The following CNTNAP4 variants were observed in gnomAD, a reference collection of about 807,000 sequenced individuals.
CNTNAP4 encodes contactin associated protein family member 4.
CNTNAP4 carries 98 observed loss-of-function variants against 148.4 expected under a neutral mutation model. The observed-to-expected ratio is 0.66, with a 90% CI of 0.56 to 0.78. The LOEUF is 0.78. Among genes scored for constraint, CNTNAP4 ranks in the 30% least tolerant of loss-of-function variants. The pLI is 0.00. For missense variants in CNTNAP4, 1,935 were observed against 1,565.6 expected (o/e 1.24, Z -3.98); for synonymous variants, 730 against 565.1 (o/e 1.29, Z -4.14).
At chr16:76,330,932 G>GA (rs759348527) in intron 2 of CNTNAP4, among the ~76,000 whole-genome samples, 2 of 152,206 alleles carry the variant, frequency 1.3e-5, no homozygotes, top group Non-Finnish European at 2.9e-5. Flanking sequence ...CATCTAAATA[G>GA]TGCTGGATAG....
intron 7 of CNTNAP4, among the ~76,000 whole-genome samples, chr16:76,450,240 C>G (rs574235962): frequency 6.6e-6 from 1 of 152,092 alleles, no homozygotes; most frequent in Non-Finnish European, 1.5e-5. Flanking sequence ...GCCTCCGCCT[C>G]CCAGATTCAA....
intron 3 of CNTNAP4, among the ~76,000 whole-genome samples, chr16:76,408,966 T>C (rs924206219): frequency 1.3e-5 from 2 of 152,050 alleles, no homozygotes; most frequent in African/African-American, 4.8e-5. Flanking sequence ...TACAGAGCCA[T>C]GGTTTTCAAA....
intron 1 of CNTNAP4, among the ~76,000 whole-genome samples, chr16:76,314,858 C>G (rs571816029): frequency 3.4e-4 from 52 of 152,202 alleles, no homozygotes; most frequent in South Asian, 1.0e-3. Context: ...GTTGATTCTG[C>G]TTTTTTCTCA....
rs1034189113 is a variant in CNTNAP4 at position 76,367,121 on chromosome 16, G to C, written c.390+11610G>C. ...TGGTATAAGAACACATGGGACATCT[G>C]TTACTATGTCCAAATACATTTAGGG... is the stretch of plus-strand genomic sequence containing the variant. On this transcript the variant is annotated intron_variant, in intron 3 of 23. Coordinates refer to ENST00000611870, the MANE Select transcript of CNTNAP4 (RefSeq NM_033401.5). Among the ~76,000 whole-genome samples, 4 of 151,918 alleles carry C rather than the reference G, an allele frequency of 2.6e-5. No individual in the cohort carries two copies. In the East Asian group the frequency reaches 7.7e-4, roughly 29 times the overall value.
intron 14 of CNTNAP4, among the ~76,000 whole-genome samples, chr16:76,495,958 A>C (rs1386259209): frequency 6.6e-6 from 1 of 152,054 alleles, no homozygotes; most frequent in Non-Finnish European, 1.5e-5. Flanking sequence ...CCATCACATC[A>C]ACTAAACATC....
chr16:76,357,973 A>G (rs961680240), intron 3 of CNTNAP4, among the ~76,000 whole-genome samples: 2 of 152,170 alleles, frequency 1.3e-5, no homozygotes, highest in Non-Finnish European at 2.9e-5. Flanking sequence ...GGATGTGAGT[A>G]TGTCAGTCTG....
intron 18 of CNTNAP4, among the ~76,000 whole-genome samples, chr16:76,536,640 CATTT>C (rs1480610423): frequency 2.0e-5 from 3 of 152,082 alleles, no homozygotes; most frequent in African/African-American, 4.8e-5. Context: ...AAAATAGACA[CATTT>C]ATACATTAAT....
At chr16:76,495,310 A>T in intron 14 of CNTNAP4, 1 of 284,496 alleles carries the variant, frequency 3.5e-6, no homozygotes, top group Non-Finnish European at 6.5e-6. Context: ...AAACAGAGAC[A>T]CCTGTTATAT....
At chr16:76,530,735 A>G (rs904999248) in intron 17 of CNTNAP4, among the ~76,000 whole-genome samples, 1 of 152,184 alleles carries the variant, frequency 6.6e-6, no homozygotes. Flanking sequence ...AACACAAGGA[A>G]GAATAGTCCT....
rs1339949291 is a variant in CNTNAP4, at chr16:76,447,687, T to C, written c.539-325T>C. Among the ~76,000 whole-genome samples the C allele has an allele frequency of 4.6e-5, 7 of 152,214 alleles. No individual in the cohort carries two copies. In the South Asian group the frequency reaches 1.2e-3, roughly 27 times the overall value. On this transcript the variant is annotated intron_variant, in intron 4 of 23. Coordinates refer to ENST00000611870, the MANE Select transcript of CNTNAP4 (RefSeq NM_033401.5). Reference sequence around the variant, plus strand: ...AGTATTCAATAAATTACATGAGATATTCAACACTTTATTATAAAATGGTTT... The same window carrying C: ...AGTATTCAATAAATTACATGAGATACTCAACACTTTATTATAAAATGGTTT...
intron 3 of CNTNAP4, among the ~76,000 whole-genome samples, chr16:76,359,583 A>T (rs528913890): frequency 5.1e-4 from 78 of 152,274 alleles, no homozygotes; most frequent in Non-Finnish European, 9.3e-4. Context: ...CATTTAATAG[A>T]AATGCAAACT....
intron 2 of CNTNAP4, among the ~76,000 whole-genome samples, chr16:76,349,406 A>G (rs1442806013): frequency 6.6e-6 from 1 of 152,154 alleles, no homozygotes; most frequent in Non-Finnish European, 1.5e-5. Context: ...CGACAGCAAC[A>G]TACACAGCAT....
chr16:76,283,712 A>G (rs1383975818), intron 1 of CNTNAP4, among the ~76,000 whole-genome samples: 1 of 151,996 alleles, frequency 6.6e-6, no homozygotes, highest in East Asian at 1.9e-4. Flanking sequence ...AATGGGTACT[A>G]GGCTTAATAC....
chr16:76,342,465 C>CT (rs397854943), intron 2 of CNTNAP4, among the ~76,000 whole-genome samples: 1,371 of 91,426 alleles, frequency 0.015, 31 homozygotes, highest in Middle Eastern at 0.021. Flanking sequence ...TTGCTAATTT[C>CT]TTTTTTTTTT....
intron 3 of CNTNAP4, among the ~76,000 whole-genome samples, chr16:76,365,135 C>T (rs561333443): frequency 1.3e-5 from 2 of 152,290 alleles, no homozygotes; most frequent in East Asian, 1.9e-4. Flanking sequence ...ATAGGGAATC[C>T]TTTCCCCATT....
chr16:76,321,287 T>C (rs1481103708), intron 2 of CNTNAP4, among the ~76,000 whole-genome samples: 3 of 152,218 alleles, frequency 2.0e-5, no homozygotes, highest in African/African-American at 4.8e-5. Flanking sequence ...TAAGAATAAT[T>C]ATAGCAATCT....
intron 3 of CNTNAP4, among the ~76,000 whole-genome samples, chr16:76,422,833 A>C (rs1031455888): frequency 4.6e-5 from 7 of 152,188 alleles, no homozygotes; most frequent in Non-Finnish European, 8.8e-5. Flanking sequence ...TTTCATGTTG[A>C]AAACATTTAA....
At chr16:76,461,835 T>A in intron 8 of CNTNAP4, 121 bp from the exon 9 acceptor site, 1 of 754,022 alleles carries the variant, frequency 1.3e-6, no homozygotes, top group South Asian at 2.5e-5. Flanking sequence ...TGTCATTGTT[T>A]TTAATTAATA....
At chr16:76,473,248 A>G (rs1043119756) in intron 10 of CNTNAP4, among the ~76,000 whole-genome samples, 2 of 152,214 alleles carry the variant, frequency 1.3e-5, no homozygotes, top group African/African-American at 4.8e-5. Context: ...CTTAAAAAGC[A>G]GATTGTAAAG....
Sources: gnomAD v4.1 joint callset for allele counts (sites outside exome capture counted in the v4.1 genomes callset) on GRCh38, gnomAD v4.1.1 for gene constraint, MANE v1.5 for transcripts, NCBI Gene and HGNC (gene_info 2026-07-23, HGNC 2026-07-21) for gene names.